Variants in WDHD1 observed in about 807,000 individuals in gnomAD.
WDHD1 encodes WD repeat and HMG-box DNA-binding protein 1.
A neutral mutation model predicts 135.4 loss-of-function variants in WDHD1; 111 were observed. That is an observed-to-expected ratio of 0.82 (90% confidence interval 0.70 to 0.96). The LOEUF (loss-of-function observed/expected upper bound fraction) is 0.96, where lower values mean the gene tolerates loss of function less well. Ranked by LOEUF, WDHD1 falls within the 40% of genes least tolerant of loss-of-function variation. The pLI, the probability that WDHD1 is intolerant of heterozygous loss-of-function variation, is 0.00. For synonymous variants in WDHD1, 434 were observed against 439.0 expected, an observed-to-expected ratio of 0.99 and a Z score of 0.14; for missense variants, 1,351 against 1,336.3, an observed-to-expected ratio of 1.01 and a Z score of -0.17.
At chr14:54,997,939 C>T (rs954435149) in intron 10 of WDHD1, among the ~76,000 whole-genome samples, 46 of 150,896 alleles carry the variant, frequency 3.0e-4, no homozygotes, top group Non-Finnish European at 5.9e-4. Flanking sequence ...AGGCCAGGCA[C>T]GGTGGCCCAT....
At chr14:54,986,041 C>G (rs7151670) in intron 14 of WDHD1, among the ~76,000 whole-genome samples, 45,578 of 151,952 alleles carry the variant, frequency 0.3, 6,859 homozygotes, top group South Asian at 0.34. Flanking sequence ...ATGTGTAAGT[C>G]TGGAGACACA....
chr14:55,010,888 T>C (rs949031648), intron 3 of WDHD1, among the ~76,000 whole-genome samples: 1 of 152,252 alleles, frequency 6.6e-6, no homozygotes, highest in East Asian at 1.9e-4. Flanking sequence ...CACATGTCTT[T>C]TTAGAGTAAA....
chr14:54,962,635 C>G (rs2041270206), intron 20 of WDHD1, 84 bp from the exon 21 acceptor site: 2 of 1,532,272 alleles, frequency 1.3e-6, no homozygotes, highest in South Asian at 1.1e-5. Context: ...GCAAAGAGGT[C>G]TGAAAAAAAG....
Position 54,955,549 on chromosome 14 carries a change from C to A in WDHD1, c.3050+12G>T, listed in dbSNP as rs1255464951. 7 of 1,530,810 alleles carry A rather than the reference C, an allele frequency of 4.6e-6. No individual in the cohort carries two copies. Among genetic ancestry groups the A allele is most frequent in the East Asian group, 4.9e-5 (2 of 40,802 alleles). The allele number at this position is 1,530,810 out of a possible 1,614,324, so 94.8% of individuals were successfully genotyped here. On this transcript the variant is annotated intron_variant, in intron 24 of 25. Transcript: ENST00000360586. ...CTTGGTCACTGCATGCTAAATTTCT[C>A]TATGTACTGACCTTTGGTTTTCAGT...
rs757227161 is a variant in WDHD1 at position 54,962,949 on chromosome 14, T to C, written c.2531+3A>G. Reference sequence around the variant, plus strand: ...AAATTCAAACAACTAAATTATTTCTTACCCAGCATTCAGCTTTTTTCTGAA... The same window carrying C: ...AAATTCAAACAACTAAATTATTTCTCACCCAGCATTCAGCTTTTTTCTGAA... On this transcript the variant is annotated splice_donor_region_variant and intron_variant, in intron 19 of 25. Transcript: ENST00000360586. 1 of 1,613,762 alleles carries C rather than the reference T, an allele frequency of 6.2e-7. No homozygotes were observed. The highest frequency in any genetic ancestry group is 8.5e-7 in the Non-Finnish European group (1 of 1,179,982).
intron 10 of WDHD1, among the ~76,000 whole-genome samples, chr14:54,999,831 T>A (rs982452664): frequency 1.3e-5 from 2 of 152,188 alleles, no homozygotes; most frequent in African/African-American, 4.8e-5. Flanking sequence ...GATCTCAAAC[T>A]CCTGGGCTCA....
At chr14:55,019,566 C>T (rs1182169867) in intron 2 of WDHD1, among the ~76,000 whole-genome samples, 1 of 152,020 alleles carries the variant, frequency 6.6e-6, no homozygotes, top group Non-Finnish European at 1.5e-5. Flanking sequence ...ATGGGATTTA[C>T]TTTAAAATAA....
In WDHD1 at chr14:55,027,084, G is replaced by C. The variant is rs2042462870; in HGVS notation, c.-73C>G. ...CACAAGAGCTGCTTCCCGCGCTTCG[G>C]CTCGCTCACCACACTGCGCCTGCGC... On this transcript the variant is annotated 5_prime_UTR_variant, in exon 1 of 26. Transcript: ENST00000360586. The C allele has an allele frequency of 2.6e-6, 1 of 386,956 alleles. No individual in the cohort carries two copies. The highest frequency in any genetic ancestry group is 4.9e-6 in the Non-Finnish European group (1 of 204,602). The allele number at this position is 386,956 out of a possible 1,614,324, so 24.0% of individuals were successfully genotyped here.
chr14:54,984,730 T>C lies in WDHD1; in HGVS notation c.1899A>G (p.Ser633=). The change falls in exon 15 of 26, where the codon TCA becomes TCG. Residue 633 remains serine, a synonymous_variant. Transcript: ENST00000360586. ...TAAACAAATTTATCTTGCCTTCAGC[T>C]GAAAACCCAATCCATGCAAGGTAGG... ...RKSYLAWIGF[S]AEGTPCYVDS... The C allele has an allele frequency of 1.9e-6, 3 of 1,606,056 alleles. No homozygotes were observed. The highest frequency in any genetic ancestry group is 2.5e-6 in the Non-Finnish European group (3 of 1,178,026).
At chr14:54,951,924 G>T (rs537201889) in intron 24 of WDHD1, among the ~76,000 whole-genome samples, 5 of 152,158 alleles carry the variant, frequency 3.3e-5, no homozygotes, top group African/African-American at 7.2e-5. Flanking sequence ...GAAAAGGCCT[G>T]TGACAAAATT....
At chr14:55,004,483 C>T (rs1566738125) in intron 7 of WDHD1, among the ~76,000 whole-genome samples, 1 of 151,900 alleles carries the variant, frequency 6.6e-6, no homozygotes, top group Non-Finnish European at 1.5e-5. Flanking sequence ...GATAGAGTCT[C>T]GCTCTATCAC....
Position 54,979,327 on chromosome 14 carries a change from AT to A in WDHD1, c.2063+2212del, listed in dbSNP as rs1241298424. On this transcript the variant is annotated intron_variant, in intron 16 of 25. Coordinates refer to ENST00000360586, the MANE Select transcript of WDHD1 (RefSeq NM_007086.4). ...CCATCATGCCTGGGTAATTAAAAAA[AT>A]TTTTTTTTGTTGAAACTGGGTCTCA... is the stretch of plus-strand genomic sequence containing the variant. 3.3e-5 allele frequency among the ~76,000 whole-genome samples: 5 copies of A among 151,492 alleles called. No individual in the cohort carries two copies. The South Asian group carries it at 6.3e-4, about 19-fold the overall frequency.
chr14:54,988,396 C>A (rs1216520793), intron 13 of WDHD1, among the ~76,000 whole-genome samples: 1 of 152,012 alleles, frequency 6.6e-6, no homozygotes, highest in African/African-American at 2.4e-5. Flanking sequence ...TAATAGTTGG[C>A]CAAGGCTAGG....
chr14:54,962,894 G>A (rs199512132), intron 19 of WDHD1, 41 bp from the exon 20 acceptor site: 63 of 1,611,066 alleles, frequency 3.9e-5, no homozygotes, highest in Non-Finnish European at 3.9e-5. Flanking sequence ...GCTATGCAAA[G>A]ACCAACTTAA....
chr14:54,960,785 C>T (rs188359253), intron 21 of WDHD1, among the ~76,000 whole-genome samples: 275 of 148,998 alleles, frequency 1.8e-3, no homozygotes, highest in Middle Eastern at 7.8e-3. Flanking sequence ...GAATTACAGG[C>T]GTGAGCCACC....
At chr14:55,013,165 G>A (rs911387299) in intron 3 of WDHD1, among the ~76,000 whole-genome samples, 8 of 130,992 alleles carry the variant, frequency 6.1e-5, no homozygotes, top group South Asian at 5.0e-4. Flanking sequence ...GTTTGAGACC[G>A]GTCTGAGCAA....
At chr14:54,944,614 T>TA in intron 24 of WDHD1, 144 bp from the exon 25 acceptor site, 78 of 660,174 alleles carry the variant, frequency 1.2e-4, no homozygotes, top group Middle Eastern at 9.9e-4. Context: ...TAATTCATGT[T>TA]ACTTTTTTTT....
chr14:54,975,736 G>C (rs1281563056), intron 16 of WDHD1, among the ~76,000 whole-genome samples: 1 of 151,684 alleles, frequency 6.6e-6, no homozygotes, highest in Non-Finnish European at 1.5e-5. Context: ...TTTTGCTGTT[G>C]CCCAGGCTGT....
intron 16 of WDHD1, among the ~76,000 whole-genome samples, chr14:54,980,814 A>C (rs1297588099): frequency 6.7e-6 from 1 of 149,430 alleles, no homozygotes; most frequent in Non-Finnish European, 1.5e-5. Context: ...AAAAAAAAAA[A>C]AAAAAAAAAA....
Sources: gnomAD v4.1 joint callset for allele counts (sites outside exome capture counted in the v4.1 genomes callset) on GRCh38, gnomAD v4.1.1 for gene constraint, MANE v1.5 for transcripts, NCBI Gene and HGNC (gene_info 2026-07-23, HGNC 2026-07-21) for gene names.